Variants in DDX50 observed in about 807,000 individuals in gnomAD.
The protein encoded by DDX50 is DExD-box helicase 50.
A neutral mutation model predicts 94.8 loss-of-function variants in DDX50; 56 were observed. That is an observed-to-expected ratio of 0.59 (90% CI 0.48 to 0.74). The LOEUF (loss-of-function observed/expected upper bound fraction) is 0.74. DDX50 is among the 30% of genes least tolerant of loss of function. The probability of loss-of-function intolerance (pLI) is 0.00; values close to 1 mark genes in which losing one functional copy is unlikely to be tolerated. For missense variants in DDX50, 713 were observed against 881.2 expected (o/e 0.81, Z 2.42); for synonymous variants, 264 against 295.4 (o/e 0.89, Z 1.09).
chr10:68,931,426 T>TATATGTGTATATATATATACACACACAC, intron 8 of DDX50, among the ~76,000 whole-genome samples: 1 of 84,844 alleles, frequency 1.2e-5, no homozygotes, highest in African/African-American at 4.4e-5. Context: ...TATATATATA[T>TATATGTGTATATATATATACACACACAC]ACACAAACAC....
chr10:68,923,900 A>G (rs1336534883), intron 8 of DDX50, among the ~76,000 whole-genome samples: 1 of 143,806 alleles, frequency 7.0e-6, no homozygotes, highest in East Asian at 2.1e-4. Flanking sequence ...TTTGTGGATA[A>G]GCTTTTCTAG....
intron 8 of DDX50, among the ~76,000 whole-genome samples, chr10:68,925,321 G>T (rs1842056672): frequency 1.3e-5 from 2 of 151,568 alleles, no homozygotes; most frequent in East Asian, 2.0e-4. Context: ...TATTTGTCAG[G>T]CTGGTCTCGA....
intron 14 of DDX50, 54 bp downstream of exon 14, chr10:68,943,311 A>C (rs567587984): frequency 6.9e-7 from 1 of 1,454,866 alleles, no homozygotes; most frequent in African/African-American, 1.4e-5. Context: ...TAACATTTAG[A>C]TTGGGATATT....
intron 3 of DDX50, 36 bp from the exon 4 acceptor site, chr10:68,911,032 C>A: frequency 7.3e-7 from 1 of 1,370,262 alleles, no homozygotes; most frequent in Non-Finnish European, 9.7e-7. Flanking sequence ...TAATGCTAGT[C>A]GTAAAGAAGT....
intron 8 of DDX50, among the ~76,000 whole-genome samples, chr10:68,924,327 T>C (rs1376587239): frequency 6.6e-6 from 1 of 152,062 alleles, no homozygotes; most frequent in African/African-American, 2.4e-5. Flanking sequence ...TTGGAGTGCC[T>C]TGGCTATTCA....
At chr10:68,906,451 T>A (rs1841447224) in intron 1 of DDX50, 1 of 339,404 alleles carries the variant, frequency 2.9e-6, no homozygotes, top group African/African-American at 2.2e-5. Context: ...AGAAACCGTT[T>A]TAATTTTCCT....
chr10:68,923,167 C>G (rs1280378082), intron 8 of DDX50, among the ~76,000 whole-genome samples: 14 of 135,362 alleles, frequency 1.0e-4, no homozygotes, highest in Non-Finnish European at 1.9e-4. Flanking sequence ...ACATATAAAA[C>G]TTTAAAAACT....
At chr10:68,917,191 G>T (rs1841820536) in intron 7 of DDX50, among the ~76,000 whole-genome samples, 1 of 151,760 alleles carries the variant, frequency 6.6e-6, no homozygotes, top group Non-Finnish European at 1.5e-5. Flanking sequence ...CAGGCGCAGT[G>T]GCTCACACCT....
intron 12 of DDX50, among the ~76,000 whole-genome samples, chr10:68,940,130 T>G (rs1406607390): frequency 6.6e-6 from 1 of 152,144 alleles, no homozygotes; most frequent in African/African-American, 2.4e-5. Context: ...GGCTTATGCC[T>G]GTAATCCTAG....
chr10:68,919,769 CAA>C (rs1841894667), intron 7 of DDX50, 61 bp from the exon 8 acceptor site: 4 of 1,577,686 alleles, frequency 2.5e-6, no homozygotes, highest in African/African-American at 1.4e-5. Flanking sequence ...AAAAAATACA[CAA>C]GAGAAATATT....
chr10:68,945,319 T>C (rs1842645753), intron 14 of DDX50, among the ~76,000 whole-genome samples: 1 of 152,118 alleles, frequency 6.6e-6, no homozygotes, highest in African/African-American at 2.4e-5. Flanking sequence ...ATTTTTTTTT[T>C]TTCTTTGAGA....
chr10:68,917,453 C>T (rs145543970), intron 7 of DDX50, among the ~76,000 whole-genome samples: 212 of 152,182 alleles, frequency 1.4e-3, no homozygotes, highest in African/African-American at 4.8e-3. Flanking sequence ...TGTGAGACTC[C>T]GTCTCAAAAA....
intron 8 of DDX50, among the ~76,000 whole-genome samples, chr10:68,923,843 CAT>C (rs1181968234): frequency 6.6e-6 from 1 of 151,016 alleles, no homozygotes; most frequent in African/African-American, 2.4e-5. Context: ...CATACCCGGC[CAT>C]ATATGTTTGT....
chr10:68,915,437 G>T lies in DDX50; in HGVS notation c.1089+1233G>T, dbSNP rs574720462. On this transcript the variant is annotated intron_variant, in intron 7 of 14. Coordinates refer to ENST00000373585, the MANE Select transcript of DDX50 (RefSeq NM_024045.2). The stretch of plus-strand genomic sequence containing the variant: ...CAAAAAAAAATAAAAGAAAAAAAAG[G>T]CTGGGTGCGGTGGCTCACGCCTGTA... 2.5e-3 allele frequency among the ~76,000 whole-genome samples: 371 copies of T among 150,922 alleles called. 2 individuals are homozygous for T. Among genetic ancestry groups the T allele is most frequent in the Non-Finnish European group, 2.8e-3 (187 of 67,710 alleles).
chr10:68,932,905 T>C (rs1042487491), intron 8 of DDX50, among the ~76,000 whole-genome samples: 1 of 152,106 alleles, frequency 6.6e-6, no homozygotes, highest in African/African-American at 2.4e-5. Context: ...TATAATACAG[T>C]TTTTTAAATA....
intron 7 of DDX50, among the ~76,000 whole-genome samples, chr10:68,918,925 A>C (rs935834096): frequency 3.9e-5 from 6 of 152,188 alleles, no homozygotes; most frequent in Admixed American, 2.6e-4. Flanking sequence ...CAGGTGTATC[A>C]GTTTTTATCT....
At chr10:68,941,568 C>T (rs1842554414) in intron 13 of DDX50, among the ~76,000 whole-genome samples, 1 of 152,256 alleles carries the variant, frequency 6.6e-6, no homozygotes, top group Admixed American at 6.5e-5. Context: ...AGTGATCCTC[C>T]TACCTTGGAC....
chr10:68,905,730 G>A (rs1248395091), intron 1 of DDX50, among the ~76,000 whole-genome samples: 2 of 152,182 alleles, frequency 1.3e-5, no homozygotes, highest in African/African-American at 4.8e-5. Flanking sequence ...TGGCCAACAG[G>A]GTGAAACCTC....
intron 2 of DDX50, 127 bp from the exon 3 acceptor site, chr10:68,910,180 C>G (rs968145764): frequency 1.8e-4 from 143 of 810,286 alleles, no homozygotes; most frequent in Non-Finnish European, 2.5e-4. Context: ...GAGTGGGACC[C>G]TGTTTCAAAA....
Sources: allele counts gnomAD v4.1 joint callset (sites outside exome capture counted in the v4.1 genomes callset), GRCh38; gene constraint gnomAD v4.1.1; transcripts MANE v1.5; gene names NCBI Gene and HGNC (gene_info 2026-07-23, HGNC 2026-07-21).